The following TBC1D12 variants were observed in gnomAD, a reference collection of about 807,000 sequenced individuals.
TBC1D12 encodes the protein TBC1 domain family member 12.
Under a neutral mutation model 86.7 loss-of-function variants are expected in TBC1D12, and 56 were observed. The ratio of observed to expected loss-of-function variants is 0.65; its 90% CI spans 0.52 to 0.81. The LOEUF is 0.81. Among genes scored for constraint, TBC1D12 ranks in the 30% least tolerant of loss-of-function variants. The pLI is 0.00. For synonymous variants in TBC1D12, 421 were observed against 411.7 expected, an observed-to-expected ratio of 1.02 and a Z score of -0.27; for missense variants, 1,023 against 1,038.8, an observed-to-expected ratio of 0.98 and a Z score of 0.21.
intron 8 of TBC1D12, among the ~76,000 whole-genome samples, chr10:94,510,731 A>G (rs191871550): frequency 2.6e-5 from 4 of 151,772 alleles, no homozygotes; most frequent in Admixed American, 2.6e-4. Flanking sequence ...TCAAACTCCT[A>G]GGCTCAAGCA....
rs750756722 is a variant in TBC1D12 at position 94,403,264 on chromosome 10, C to A, written c.651C>A (p.Ser217Arg). The change falls in exon 1 of 13, where the codon AGC becomes AGA. Residue 217 changes from serine to arginine, a missense_variant. Coordinates refer to ENST00000225235, the MANE Select transcript of TBC1D12 (RefSeq NM_015188.2). ...CCCAGGAGCCCGAGGGCGCGGGCAG[C>A]GACTCGGGGGACAGCCCCGCCAGCA... is the stretch of plus-strand genomic sequence containing the variant. ...ADAQEPEGAG[S>R]DSGDSPASSC... The A allele has an allele frequency of 4.0e-6, 6 of 1,502,596 alleles. No homozygotes were observed. In the African/African-American group the frequency reaches 8.7e-5, roughly 22 times the overall value. The allele number at this position is 1,502,596 out of a possible 1,614,324, so 93.1% of individuals were successfully genotyped here.
At chr10:94,489,830 C>G (rs892365689) in intron 3 of TBC1D12, among the ~76,000 whole-genome samples, 1 of 152,174 alleles carries the variant, frequency 6.6e-6, no homozygotes, top group African/African-American at 2.4e-5. Flanking sequence ...TGCCTTGGCA[C>G]ACAAATTTGC....
chr10:94,431,737 T>C (rs532934059), intron 1 of TBC1D12, among the ~76,000 whole-genome samples: 1 of 152,304 alleles, frequency 6.6e-6, no homozygotes, highest in South Asian at 2.1e-4. Context: ...AGCAGGTCTT[T>C]CCTGTGGGGA....
chr10:94,457,624 T>C (rs2055647723), intron 2 of TBC1D12, among the ~76,000 whole-genome samples: 1 of 152,152 alleles, frequency 6.6e-6, no homozygotes, highest in African/African-American at 2.4e-5. Flanking sequence ...ATATTTAAAG[T>C]GATTATTGAT....
chr10:94,479,888 A>G (rs190664198), intron 3 of TBC1D12, among the ~76,000 whole-genome samples: 1 of 152,318 alleles, frequency 6.6e-6, no homozygotes, highest in Admixed American at 6.5e-5. Context: ...GTTCAGTGCT[A>G]GTATGGTGGC....
At chr10:94,404,435 C>G (rs1249874611) in intron 1 of TBC1D12, among the ~76,000 whole-genome samples, 2 of 151,646 alleles carry the variant, frequency 1.3e-5, no homozygotes, top group African/African-American at 4.8e-5. Context: ...TATTTGAGGT[C>G]AGGGGTTCGA....
At chr10:94,491,582 T>G (rs1310891508) in intron 3 of TBC1D12, among the ~76,000 whole-genome samples, 1 of 152,198 alleles carries the variant, frequency 6.6e-6, no homozygotes, top group East Asian at 1.9e-4. Flanking sequence ...TTGAAAACAT[T>G]AAGTGGAAAA....
chr10:94,432,969 C>T (rs1405282110), intron 1 of TBC1D12, among the ~76,000 whole-genome samples: 1 of 152,026 alleles, frequency 6.6e-6, no homozygotes, highest in Non-Finnish European at 1.5e-5. Flanking sequence ...CTTTGGGAGG[C>T]TGAGACGGGT....
chr10:94,457,413 G>C (rs968633995), intron 2 of TBC1D12, among the ~76,000 whole-genome samples: 1 of 152,004 alleles, frequency 6.6e-6, no homozygotes, highest in African/African-American at 2.4e-5. Flanking sequence ...TCATTTGTTT[G>C]TTTGTTTTGT....
chr10:94,427,896 G>A (rs1476589297), intron 1 of TBC1D12, among the ~76,000 whole-genome samples: 1 of 150,048 alleles, frequency 6.7e-6, no homozygotes, highest in Non-Finnish European at 1.5e-5. Flanking sequence ...GTAAGGCATT[G>A]CCTGTAATTT....
intron 1 of TBC1D12, among the ~76,000 whole-genome samples, chr10:94,411,214 C>T (rs1376197006): frequency 6.6e-6 from 1 of 152,116 alleles, no homozygotes; most frequent in Non-Finnish European, 1.5e-5. Flanking sequence ...GCTCTTCTTT[C>T]TTTTCTGTAG....
rs541784754 is a variant in TBC1D12 at position 94,535,989 on chromosome 10, A to C, written c.*2893A>C. 6.6e-6 allele frequency: 1 copy of C among 152,244 alleles called. No individual in the cohort carries two copies. Among genetic ancestry groups the C allele is most frequent in the African/African-American group, 2.4e-5 (1 of 41,566 alleles). The allele number at this position is 152,244 out of a possible 1,614,324, so 9.4% of individuals were successfully genotyped here. On this transcript the variant is annotated 3_prime_UTR_variant, in exon 13 of 13. Transcript: ENST00000225235. Reference sequence around the variant, plus strand: ...ATCTGTTTTATTTAACTGCATCTCAAGGAAACAAAGGAAATAATCTTTGTT... The same window carrying C: ...ATCTGTTTTATTTAACTGCATCTCACGGAAACAAAGGAAATAATCTTTGTT...
At chr10:94,450,539 T>G (rs1275386072) in intron 2 of TBC1D12, among the ~76,000 whole-genome samples, 2 of 152,132 alleles carry the variant, frequency 1.3e-5, no homozygotes, top group South Asian at 2.1e-4. Context: ...GAATTGGGTT[T>G]TATCTAAAAT....
chr10:94,514,637 A>C (rs1385335218), intron 9 of TBC1D12, among the ~76,000 whole-genome samples: 1 of 152,176 alleles, frequency 6.6e-6, no homozygotes, highest in Non-Finnish European at 1.5e-5. Flanking sequence ...TTTTGTATAC[A>C]TACACACACT....
chr10:94,444,227 A>ATT (rs79421771), intron 2 of TBC1D12, among the ~76,000 whole-genome samples: 3 of 144,090 alleles, frequency 2.1e-5, no homozygotes, highest in African/African-American at 2.5e-5. Flanking sequence ...ATTTATGTGT[A>ATT]TTTTTTTTTT....
intron 9 of TBC1D12, among the ~76,000 whole-genome samples, chr10:94,515,924 C>G (rs1344817196): frequency 6.6e-6 from 1 of 151,514 alleles, no homozygotes; most frequent in African/African-American, 2.4e-5. Context: ...TACATGGTTA[C>G]ACTGGATAGA....
chr10:94,463,637 A>G (rs1187057134), intron 2 of TBC1D12, among the ~76,000 whole-genome samples: 4 of 152,238 alleles, frequency 2.6e-5, no homozygotes, highest in Admixed American at 2.6e-4. Flanking sequence ...AAATATTCAA[A>G]CCATAACAGT....
At chr10:94,444,542 A>AT (rs2055425970) in intron 2 of TBC1D12, among the ~76,000 whole-genome samples, 2 of 152,060 alleles carry the variant, frequency 1.3e-5, no homozygotes, top group African/African-American at 4.8e-5. Flanking sequence ...TTATACAGGT[A>AT]TTTTTGATTT....
intron 3 of TBC1D12, among the ~76,000 whole-genome samples, chr10:94,483,188 A>G (rs1246718974): frequency 6.6e-6 from 1 of 151,992 alleles, no homozygotes; most frequent in Non-Finnish European, 1.5e-5. Context: ...TTGCTTCCAA[A>G]TCTTGGCTAC....
Sources: allele counts gnomAD v4.1 joint callset (sites outside exome capture counted in the v4.1 genomes callset), GRCh38; gene constraint gnomAD v4.1.1; transcripts MANE v1.5; gene names NCBI Gene and HGNC (gene_info 2026-07-23, HGNC 2026-07-21).